The following CFAP54 variants were observed in gnomAD, a reference collection of about 807,000 sequenced individuals.
The protein encoded by CFAP54 is cilia and flagella associated protein 54, also known as cilia- and flagella-associated protein 54.
A neutral mutation model predicts 370.4 loss-of-function variants in CFAP54; 290 were observed. That is an observed-to-expected ratio of 0.78 (90% CI 0.71 to 0.86). CFAP54 has a LOEUF of 0.86. Among genes scored for constraint, CFAP54 ranks in the 40% least tolerant of loss-of-function variants. The pLI is 0.00. For missense variants in CFAP54, 3,399 were observed against 3,528.7 expected, an observed-to-expected ratio of 0.96 and a Z score of 0.93; for synonymous variants, 1,206 against 1,236.5, an observed-to-expected ratio of 0.98 and a Z score of 0.52.
At chr12:96,819,430 G>A (rs1385566327) in intron 65 of CFAP54, among the ~76,000 whole-genome samples, 2 of 152,188 alleles carry the variant, frequency 1.3e-5, no homozygotes, top group Non-Finnish European at 2.9e-5. Context: ...AAGACAGAAA[G>A]CCAGACAAAA....
At chr12:96,584,407 T>A (rs150819255) in intron 22 of CFAP54, among the ~76,000 whole-genome samples, 14 of 152,268 alleles carry the variant, frequency 9.2e-5, no homozygotes, top group African/African-American at 2.9e-4. Flanking sequence ...GAGGTTGCAG[T>A]GAGCCAAGAT....
intron 55 of CFAP54, among the ~76,000 whole-genome samples, chr12:96,751,567 A>G (rs1328803480): frequency 1.3e-5 from 2 of 152,126 alleles, no homozygotes; most frequent in Non-Finnish European, 2.9e-5. Flanking sequence ...TTTGTCTTAT[A>G]TTGATATTTG....
chr12:96,826,884 A>G (rs2136753488), intron 65 of CFAP54, among the ~76,000 whole-genome samples: 1 of 123,446 alleles, frequency 8.1e-6, no homozygotes, highest in East Asian at 2.2e-4. Flanking sequence ...TATATTATAT[A>G]ATATTATATG....
At chr12:96,591,606 T>C (rs923246791) in intron 23 of CFAP54, among the ~76,000 whole-genome samples, 5 of 151,280 alleles carry the variant, frequency 3.3e-5, no homozygotes, top group Admixed American at 2.6e-4. Flanking sequence ...ATATTTTTTT[T>C]TGGCCGGGCG....
chr12:96,624,740 C>T (rs1334462718), intron 28 of CFAP54, among the ~76,000 whole-genome samples: 2 of 152,218 alleles, frequency 1.3e-5, no homozygotes, highest in Non-Finnish European at 1.5e-5. Flanking sequence ...GTCCCTACCT[C>T]ACCTTTCCTA....
At chr12:96,634,044 A>ATT (rs1238845346) in intron 32 of CFAP54, among the ~76,000 whole-genome samples, 3 of 85,356 alleles carry the variant, frequency 3.5e-5, no homozygotes, top group African/African-American at 7.2e-5. Flanking sequence ...GATAGCGAAC[A>ATT]TCTTTTTTTT....
chr12:96,591,905 GA>G (rs1328234136), intron 23 of CFAP54, among the ~76,000 whole-genome samples: 3 of 129,362 alleles, frequency 2.3e-5, no homozygotes, highest in Middle Eastern at 7.9e-3. Context: ...AAAAAAAAAA[GA>G]AATATTTTTT....
intron 17 of CFAP54, among the ~76,000 whole-genome samples, chr12:96,561,704 TAC>T (rs56098924): frequency 0.18 from 22,750 of 125,050 alleles, 2,265 homozygotes; most frequent in Middle Eastern, 0.26. Context: ...AGCTAAGAAA[TAC>T]ACACACACAC....
intron 55 of CFAP54, among the ~76,000 whole-genome samples, chr12:96,747,335 G>A (rs551100528): frequency 1.3e-5 from 2 of 152,298 alleles, no homozygotes; most frequent in African/African-American, 4.8e-5. Context: ...ACTCCCCTTG[G>A]CAGAGGTGAT....
chr12:96,658,654 C>T (rs578129335), intron 38 of CFAP54, among the ~76,000 whole-genome samples: 50 of 151,968 alleles, frequency 3.3e-4, no homozygotes, highest in African/African-American at 1.1e-3. Flanking sequence ...TAGATGAAGT[C>T]TCACTCTGTC....
At chr12:96,591,772 T>G (rs1956127029) in intron 23 of CFAP54, among the ~76,000 whole-genome samples, 1 of 143,892 alleles carries the variant, frequency 6.9e-6, no homozygotes, top group Non-Finnish European at 1.5e-5. Context: ...GTGCCTGTAG[T>G]CCCAGCTACA....
chr12:96,868,641 A>G (rs548192458), intron 67 of CFAP54, among the ~76,000 whole-genome samples: 4 of 152,204 alleles, frequency 2.6e-5, no homozygotes, highest in Non-Finnish European at 4.4e-5. Context: ...AAGGTAGCTT[A>G]TAAGTATGCA....
At chr12:96,641,935 G>GT (rs1177344992) in intron 32 of CFAP54, among the ~76,000 whole-genome samples, 1 of 141,016 alleles carries the variant, frequency 7.1e-6, no homozygotes. Context: ...TTGTGGGGTG[G>GT]TGCGGGGGGG....
At chr12:96,791,514 A>C (rs1275621884) in intron 62 of CFAP54, among the ~76,000 whole-genome samples, 1 of 152,196 alleles carries the variant, frequency 6.6e-6, no homozygotes, top group Non-Finnish European at 1.5e-5. Flanking sequence ...AAACTTACAA[A>C]TCAGCCACAT....
intron 36 of CFAP54, among the ~76,000 whole-genome samples, chr12:96,656,300 TCC>T (rs369130904): frequency 6.7e-6 from 1 of 149,788 alleles, no homozygotes; most frequent in African/African-American, 2.5e-5. Context: ...GACAATTCTC[TCC>T]CCCCCCCTCC....
intron 62 of CFAP54, among the ~76,000 whole-genome samples, chr12:96,789,142 G>A (rs1832436789): frequency 6.6e-6 from 1 of 152,196 alleles, no homozygotes; most frequent in Non-Finnish European, 1.5e-5. Context: ...CTCCTCATGT[G>A]GGGACAGGCT....
At chr12:96,518,569 C>T (rs893187466) in intron 5 of CFAP54, among the ~76,000 whole-genome samples, 1 of 152,208 alleles carries the variant, frequency 6.6e-6, no homozygotes, top group Middle Eastern at 3.4e-3. Flanking sequence ...ACCTGTAGTT[C>T]CAGTTACTTA....
chr12:96,721,363 G>A (rs1407939012), intron 50 of CFAP54, among the ~76,000 whole-genome samples: 1 of 152,084 alleles, frequency 6.6e-6, no homozygotes, highest in African/African-American at 2.4e-5. Flanking sequence ...TTTGTTCATC[G>A]ATTTATTTAT....
In CFAP54 at chr12:96,863,195, GGA is replaced by G. The variant is rs1592819716; in HGVS notation, c.*14+2244_*14+2245del. 2.8e-5 allele frequency among the ~76,000 whole-genome samples: 4 copies of G among 144,800 alleles called. No homozygotes were observed. The East Asian group carries it at 8.2e-4, about 30-fold the overall frequency. The allele number at this position is 144,800 out of a possible 152,430, so 95.0% of individuals were successfully genotyped here. A position where few individuals can be genotyped will look rare whatever the true frequency, so the allele number is the denominator to read the frequency against. The stretch of plus-strand genomic sequence containing the variant: ...TGGATGGATGGATGGATGGATGGAT[GGA>G]TATAATCCAGGAAAGATGGCACTAT... On this transcript the variant is annotated intron_variant, in intron 67 of 67. Coordinates refer to ENST00000524981, the MANE Select transcript of CFAP54 (RefSeq NM_001306084.2).
Sources: allele counts gnomAD v4.1 joint callset (sites outside exome capture counted in the v4.1 genomes callset), GRCh38; gene constraint gnomAD v4.1.1; transcripts MANE v1.5; gene names NCBI Gene and HGNC (gene_info 2026-07-23, HGNC 2026-07-21).